The following UNC5D variants were observed in gnomAD, a reference collection of about 807,000 sequenced individuals.
The protein encoded by UNC5D is netrin receptor UNC5D.
In UNC5D, 39 loss-of-function variants were observed where a neutral mutation model predicts 105.4. That is an observed-to-expected ratio of 0.37 (90% CI 0.29 to 0.48). The LOEUF is 0.48. UNC5D is among the 20% of genes least tolerant of loss of function. The pLI is 0.98. For missense variants in UNC5D, 991 were observed against 1,202.4 expected, an observed-to-expected ratio of 0.82 and a Z score of 2.60; for synonymous variants, 452 against 450.4, an observed-to-expected ratio of 1.00 and a Z score of -0.04.
intron 1 of UNC5D, among the ~76,000 whole-genome samples, chr8:35,248,852 A>C (rs1468864677): frequency 1.0e-5 from 1 of 96,542 alleles, no homozygotes; most frequent in East Asian, 3.3e-4. Context: ...TATTTTATAT[A>C]TAATTCTATA....
intron 1 of UNC5D, among the ~76,000 whole-genome samples, chr8:35,507,037 A>G (rs890098477): frequency 7.4e-5 from 11 of 148,548 alleles, no homozygotes; most frequent in Non-Finnish European, 4.4e-5. Context: ...GCAGGCCTCC[A>G]TCAGGGCTTT....
chr8:35,643,654 A>C (rs2131144384), intron 4 of UNC5D, among the ~76,000 whole-genome samples: 1 of 152,292 alleles, frequency 6.6e-6, no homozygotes, highest in African/African-American at 2.4e-5. Context: ...TGCTGGGATT[A>C]CAGGTGTGAG....
intron 15 of UNC5D, among the ~76,000 whole-genome samples, chr8:35,767,733 G>C (rs1474038518): frequency 2.0e-5 from 3 of 152,190 alleles, no homozygotes; most frequent in Non-Finnish European, 4.4e-5. Context: ...TTGGAAGGTA[G>C]AGTTACAAGT....
chr8:35,602,891 A>G (rs1411294592), intron 4 of UNC5D, among the ~76,000 whole-genome samples: 1 of 111,282 alleles, frequency 9.0e-6, no homozygotes, highest in Non-Finnish European at 1.7e-5. Context: ...ACCCCACAAC[A>G]GTCCCCAGAG....
At chr8:35,681,530 AG>A (rs1825664970) in intron 4 of UNC5D, among the ~76,000 whole-genome samples, 1 of 152,238 alleles carries the variant, frequency 6.6e-6, no homozygotes, top group Non-Finnish European at 1.5e-5. Flanking sequence ...ATTGTGTCAC[AG>A]GCTGGTAGTC....
rs1813826056 is a variant in UNC5D at position 35,525,731 on chromosome 8, A to G, written c.104-23561A>G. The G allele has an allele frequency of 1.9e-6, 3 of 1,583,768 alleles. No homozygotes were observed. In the Admixed American group the frequency reaches 5.4e-5, roughly 28 times the overall value. On this transcript the variant is annotated intron_variant, in intron 1 of 16. Transcript: ENST00000404895. Reference sequence around the variant, plus strand: ...ACGTCCGGCACGACACCTGGCTCCCAACGCTGAAGTACTCGCCCGGAGGAG... The same window carrying G: ...ACGTCCGGCACGACACCTGGCTCCCGACGCTGAAGTACTCGCCCGGAGGAG...
intron 1 of UNC5D, among the ~76,000 whole-genome samples, chr8:35,533,867 C>A (rs549754760): frequency 1.3e-5 from 2 of 152,210 alleles, no homozygotes; most frequent in Non-Finnish European, 2.9e-5. Flanking sequence ...TGACCCCTTG[C>A]GCTTCCCAAG....
intron 11 of UNC5D, among the ~76,000 whole-genome samples, chr8:35,744,279 C>T (rs1213978298): frequency 1.3e-5 from 2 of 152,192 alleles, no homozygotes; most frequent in African/African-American, 4.8e-5. Context: ...GGAACGTTAA[C>T]TTGGTCATTC....
intron 1 of UNC5D, among the ~76,000 whole-genome samples, chr8:35,248,752 T>C (rs1259012411): frequency 1.3e-4 from 13 of 98,546 alleles, no homozygotes; most frequent in Non-Finnish European, 1.8e-4. Flanking sequence ...ATAAAATATA[T>C]AAATATATAT....
At chr8:35,331,082 AG>A (rs1271808115) in intron 1 of UNC5D, among the ~76,000 whole-genome samples, 3 of 152,126 alleles carry the variant, frequency 2.0e-5, no homozygotes, top group Non-Finnish European at 4.4e-5. Flanking sequence ...TGTTATCCAA[AG>A]GGGAATTTTG....
At chr8:35,688,594 G>C (rs907467520) in intron 7 of UNC5D, among the ~76,000 whole-genome samples, 5 of 152,206 alleles carry the variant, frequency 3.3e-5, no homozygotes, top group Non-Finnish European at 7.3e-5. Context: ...TGTAGTTTGG[G>C]TATGCTCTCC....
chr8:35,518,147 C>G (rs1461696685), intron 1 of UNC5D, among the ~76,000 whole-genome samples: 2 of 152,120 alleles, frequency 1.3e-5, no homozygotes, highest in African/African-American at 4.8e-5. Flanking sequence ...TATCTTTAAC[C>G]TTGACAACAA....
chr8:35,442,902 T>A (rs867074462), intron 1 of UNC5D, among the ~76,000 whole-genome samples: 2,007 of 131,688 alleles, frequency 0.015, 44 homozygotes, highest in African/African-American at 0.058. Context: ...TCTCTCTCTC[T>A]CTCACACACA....
chr8:35,488,040 G>T (rs1810949382), intron 1 of UNC5D, among the ~76,000 whole-genome samples: 1 of 152,210 alleles, frequency 6.6e-6, no homozygotes, highest in Non-Finnish European at 1.5e-5. Flanking sequence ...TGAAAGGAGA[G>T]AGATAAATGA....
chr8:35,603,917 T>C (rs1177589288), intron 4 of UNC5D, among the ~76,000 whole-genome samples: 1 of 152,176 alleles, frequency 6.6e-6, no homozygotes, highest in Non-Finnish European at 1.5e-5. Context: ...TCCATCCCTT[T>C]ATTTTGAGCC....
intron 1 of UNC5D, among the ~76,000 whole-genome samples, chr8:35,286,835 A>G (rs2128856852): frequency 6.6e-6 from 1 of 152,228 alleles, no homozygotes; most frequent in South Asian, 2.1e-4. Context: ...AACCACAAAA[A>G]TCTCACCCAG....
At chr8:35,519,110 G>A (rs920195740) in intron 1 of UNC5D, among the ~76,000 whole-genome samples, 2 of 151,556 alleles carry the variant, frequency 1.3e-5, no homozygotes, top group Non-Finnish European at 2.9e-5. Flanking sequence ...TTTTCCTTTA[G>A]CCTGCATGAG....
chr8:35,650,190 T>C (rs147504661), intron 4 of UNC5D, among the ~76,000 whole-genome samples: 28 of 152,224 alleles, frequency 1.8e-4, no homozygotes, highest in African/African-American at 5.3e-4. Context: ...GAAAAATAAT[T>C]CCATAGCTCC....
chr8:35,723,818 A>G (rs1828717569), intron 9 of UNC5D, among the ~76,000 whole-genome samples: 1 of 152,154 alleles, frequency 6.6e-6, no homozygotes, highest in Non-Finnish European at 1.5e-5. Context: ...TTAGTGTGAG[A>G]GACAGTTTTG....
Sources: gnomAD v4.1 joint callset for allele counts (sites outside exome capture counted in the v4.1 genomes callset) on GRCh38, gnomAD v4.1.1 for gene constraint, MANE v1.5 for transcripts, NCBI Gene and HGNC (gene_info 2026-07-23, HGNC 2026-07-21) for gene names.